Variants in LPCAT3 observed in about 807,000 individuals in gnomAD.
LPCAT3 encodes lysophospholipid acyltransferase 5.
In LPCAT3, 21 loss-of-function variants were observed where a neutral mutation model predicts 63.4. The ratio of observed to expected loss-of-function variants is 0.33; its 90% CI spans 0.23 to 0.48. The LOEUF is 0.48. Ranked by LOEUF, LPCAT3 falls within the 20% of genes least tolerant of loss-of-function variation. LPCAT3 has a pLI of 0.99. For synonymous variants in LPCAT3, 242 were observed against 227.5 expected (o/e 1.06, Z -0.58); for missense variants, 451 against 590.6 (o/e 0.76, Z 2.45).
At chr12:6,996,755 T>C (rs2138348956) in intron 1 of LPCAT3, among the ~76,000 whole-genome samples, 1 of 152,368 alleles carries the variant, frequency 6.6e-6, no homozygotes, top group African/African-American at 2.4e-5. Context: ...TGCTAAGGGC[T>C]AACTGTATGG....
At chr12:6,990,381 C>T (rs142428633) in intron 1 of LPCAT3, among the ~76,000 whole-genome samples, 3,314 of 147,048 alleles carry the variant, frequency 0.023, 109 homozygotes, top group African/African-American at 0.074. Context: ...TGGTGGCGGG[C>T]ACCTGTAGCC....
Position 7,018,158 on chromosome 12 carries a change from C to A in LPCAT3, c.151+116G>T. The A allele has an allele frequency of 8.0e-7, 1 of 1,249,790 alleles. No individual in the cohort carries two copies. The highest frequency in any genetic ancestry group is 1.1e-6 in the Non-Finnish European group (1 of 886,958). 77.4% of individuals were successfully genotyped at this position (1,249,790 alleles called of 1,614,324 possible). A position where few individuals can be genotyped will look rare whatever the true frequency, so the allele number is the denominator to read the frequency against. ...GTTGGTGTGCTTCAGGATTCACACC[C>A]GCACCCGGCACAGCCCTCCCGGGTG... is the stretch of plus-strand genomic sequence containing the variant. On this transcript the variant is annotated intron_variant, in intron 1 of 12. Coordinates refer to ENST00000261407, the MANE Select transcript of LPCAT3 (RefSeq NM_005768.6). This position sits in a 1 kb window ranked among gnomAD's most constrained non-coding sequence, Gnocchi z 4.9.
intron 1 of LPCAT3, among the ~76,000 whole-genome samples, chr12:6,984,135 A>G (rs1555154512): frequency 1.3e-5 from 2 of 152,266 alleles, no homozygotes; most frequent in African/African-American, 4.8e-5. Flanking sequence ...GACTGCATAT[A>G]TAGCAGTTAC....
At chr12:7,014,892 CAAAAAAA>C (rs375839002) in intron 1 of LPCAT3, among the ~76,000 whole-genome samples, 4 of 57,618 alleles carry the variant, frequency 6.9e-5, no homozygotes, top group African/African-American at 5.9e-5. Flanking sequence ...GACTCCGTCT[CAAAAAAA>C]AAAAAAAAAA....
rs1946417640 is a variant in LPCAT3 at position 6,977,395 on chromosome 12, C to T, written c.1319G>A (p.Cys440Tyr). The change falls in exon 11 of 13, where the codon TGC becomes TAC. Residue 440 changes from cysteine to tyrosine, a missense_variant. Physicochemically the swap from Cys to Tyr is radical, Grantham distance 194 (BLOSUM62 -2). Coordinates refer to ENST00000261407, the MANE Select transcript of LPCAT3 (RefSeq NM_005768.6). This position sits in a 1 kb window ranked among gnomAD's most constrained non-coding sequence, Gnocchi z 4.5. ...LFMGYSMTAF[C>Y]LFTWDKWLKV... ...AAGCCATTTGTCCCACGTGAAGAGGCAGAAGGCAGTCATGGAGTAACCCAT... is the reference window on the plus strand; with the variant it reads ...AAGCCATTTGTCCCACGTGAAGAGGTAGAAGGCAGTCATGGAGTAACCCAT... 1.9e-6 allele frequency: 3 copies of T among 1,614,048 alleles called. No homozygotes were observed. The African/African-American group carries it at 4.0e-5, about 22-fold the overall frequency.
Position 6,983,413 on chromosome 12 carries a change from G to A in LPCAT3, c.259+19C>T. ...GGTTCCCACTAATTGCGGTGTCACTGCTAATTTAGTTTACTCACCAAAGTT... is the reference window on the plus strand; with the variant it reads ...GGTTCCCACTAATTGCGGTGTCACTACTAATTTAGTTTACTCACCAAAGTT... On this transcript the variant is annotated intron_variant, in intron 2 of 12. Coordinates refer to ENST00000261407, the MANE Select transcript of LPCAT3 (RefSeq NM_005768.6). 1 of 1,515,614 alleles carries A rather than the reference G, an allele frequency of 6.6e-7. No homozygotes were observed. The highest frequency in any genetic ancestry group is 9.1e-7 in the Non-Finnish European group (1 of 1,093,358). 93.9% of individuals were successfully genotyped at this position (1,515,614 alleles called of 1,614,324 possible).
intron 2 of LPCAT3, chr12:6,983,164 T>TA: frequency 2.1e-6 from 1 of 468,264 alleles, no homozygotes; most frequent in Non-Finnish European, 3.9e-6. Context: ...GTCATTCAGT[T>TA]ACATCCACAG....
chr12:6,981,771 G>T, intron 4 of LPCAT3, 40 bp downstream of exon 4: 1 of 1,522,914 alleles, frequency 6.6e-7, no homozygotes, highest in Non-Finnish European at 9.1e-7. Flanking sequence ...ATGGGGGAGG[G>T]ACCTACATGT....
At chr12:6,986,736 T>C (rs1375952827) in intron 1 of LPCAT3, among the ~76,000 whole-genome samples, 1 of 147,044 alleles carries the variant, frequency 6.8e-6, no homozygotes, top group Admixed American at 6.9e-5. Flanking sequence ...TGAGCAGAGA[T>C]TGCAGTGAGC....
chr12:7,008,411 G>C (rs1460738944), intron 1 of LPCAT3, among the ~76,000 whole-genome samples: 4 of 152,084 alleles, frequency 2.6e-5, no homozygotes, highest in Admixed American at 6.6e-5. Context: ...GGTTTGCTTT[G>C]ATATTAGACT....
Position 6,977,581 on chromosome 12 carries a change from C to G in LPCAT3, c.1188+17G>C. 6.2e-7 allele frequency: 1 copy of G among 1,614,182 alleles called. No homozygotes were observed. Among genetic ancestry groups the G allele is most frequent in the Non-Finnish European group, 8.5e-7 (1 of 1,180,036 alleles). ...TTGTCCCTTATATTCCCCTTCACCCCCACCCTGGAGGCCTACCTGTCTTTC... is the reference window on the plus strand; with the variant it reads ...TTGTCCCTTATATTCCCCTTCACCCGCACCCTGGAGGCCTACCTGTCTTTC... On this transcript the variant is annotated intron_variant, in intron 10 of 12. Coordinates refer to ENST00000261407, the MANE Select transcript of LPCAT3 (RefSeq NM_005768.6). The surrounding 1 kb of genome is among the most constrained non-coding windows in gnomAD (Gnocchi z 4.5).
Position 6,978,512 on chromosome 12 carries a change from G to C in LPCAT3, c.874-5C>G. 1 of 1,612,288 alleles carries C rather than the reference G, an allele frequency of 6.2e-7. No homozygotes were observed. The highest frequency in any genetic ancestry group is 8.5e-7 in the Non-Finnish European group (1 of 1,178,584). The stretch of plus-strand genomic sequence containing the variant: ...CGTCAAAATGCATACTCCTTCCTGA[G>C]AGGGAATAGCTCAGTTAGGGCTCTT... On this transcript the variant is annotated splice_region_variant and splice_polypyrimidine_tract_variant and intron_variant, in intron 8 of 12. Transcript: ENST00000261407.
chr12:6,988,100 A>G (rs1946546590), intron 1 of LPCAT3: 1 of 289,944 alleles, frequency 3.4e-6, no homozygotes, highest in Non-Finnish European at 6.3e-6. Context: ...TGCTTTCCTT[A>G]TGGACTTAGG....
intron 1 of LPCAT3, chr12:6,997,105 T>A (rs1463495014): frequency 6.6e-6 from 1 of 152,246 alleles, no homozygotes; most frequent in African/African-American, 2.4e-5. Context: ...TCTTCAAACC[T>A]TTTTGCTGGC....
chr12:6,979,837 C>A, intron 6 of LPCAT3: 1 of 476,048 alleles, frequency 2.1e-6, no homozygotes, highest in Non-Finnish European at 3.8e-6. Flanking sequence ...GTGTTTACCC[C>A]TCAGGGATGC....
chr12:6,992,410 T>C (rs1015529438), intron 1 of LPCAT3, among the ~76,000 whole-genome samples: 4 of 152,158 alleles, frequency 2.6e-5, no homozygotes, highest in African/African-American at 9.7e-5. Context: ...TGCATGGCAG[T>C]AAAGAATGCA....
intron 1 of LPCAT3, among the ~76,000 whole-genome samples, chr12:6,999,062 T>A (rs1946661723): frequency 6.6e-6 from 1 of 152,220 alleles, no homozygotes; most frequent in Non-Finnish European, 1.5e-5. Flanking sequence ...GCTCTATTAT[T>A]CTTTGATGTC....
chr12:6,976,817 A>G lies in LPCAT3; in HGVS notation c.*87T>C, dbSNP rs1282729564. 2 of 206,042 alleles carry G rather than the reference A, an allele frequency of 9.7e-6. No homozygotes were observed. The highest frequency in any genetic ancestry group is 2.3e-5 in the African/African-American group (1 of 43,246). The allele number at this position is 206,042 out of a possible 1,614,324, so 12.8% of individuals were successfully genotyped here. A position where few individuals can be genotyped will look rare whatever the true frequency, so the allele number is the denominator to read the frequency against. ...GATCTTCCACCTCCCTGGCTTTTCCATTCTCTGCTCTGGGGCAAAGGAGTG... is the reference window on the plus strand; with the variant it reads ...GATCTTCCACCTCCCTGGCTTTTCCGTTCTCTGCTCTGGGGCAAAGGAGTG... On this transcript the variant is annotated 3_prime_UTR_variant, in exon 13 of 13. Transcript: ENST00000261407.
intron 1 of LPCAT3, among the ~76,000 whole-genome samples, chr12:7,004,284 C>T (rs1252861604): frequency 2.0e-5 from 3 of 152,182 alleles, no homozygotes; most frequent in African/African-American, 7.2e-5. Context: ...CAGCGGGTTA[C>T]TCTCAAACCT....
Sources: allele counts gnomAD v4.1 joint callset (sites outside exome capture counted in the v4.1 genomes callset), GRCh38; gene constraint gnomAD v4.1.1; non-coding constraint Gnocchi (gnomAD v3.1); transcripts MANE v1.5; gene names NCBI Gene and HGNC (gene_info 2026-07-23, HGNC 2026-07-21).